Variants in PPARG observed in about 807,000 individuals in gnomAD.
The protein encoded by PPARG is peroxisome proliferator activated receptor gamma, also known as peroxisome proliferator-activated receptor gamma.
In PPARG, 17 loss-of-function variants were observed where a neutral mutation model predicts 39.2. The observed-to-expected ratio is 0.43, with a 90% confidence interval of 0.30 to 0.65. The LOEUF (loss-of-function observed/expected upper bound fraction) is 0.65, where lower values mean the gene tolerates loss of function less well. PPARG is among the 30% of genes least tolerant of loss of function. The pLI is 0.13. For synonymous variants in PPARG, 223 were observed against 215.7 expected, an observed-to-expected ratio of 1.03 and a Z score of -0.30; for missense variants, 406 against 585.9, an observed-to-expected ratio of 0.69 and a Z score of 3.17.
At chr3:12,337,068 A>C (rs925444467) in intron 2 of PPARG, among the ~76,000 whole-genome samples, 2 of 152,176 alleles carry the variant, frequency 1.3e-5, no homozygotes, top group African/African-American at 4.8e-5. Flanking sequence ...GGGGAAATAA[A>C]ACAAATATAC....
intron 1 of PPARG, among the ~76,000 whole-genome samples, chr3:12,307,598 G>A (rs867715880): frequency 1.1e-4 from 17 of 152,178 alleles, no homozygotes; most frequent in African/African-American, 3.6e-4. Flanking sequence ...GAGAGAGATC[G>A]TGAAATTCCT....
In PPARG at chr3:12,311,673, T is replaced by C. The variant is rs547777168; in HGVS notation, c.-82-707T>C. On this transcript the variant is annotated intron_variant, in intron 1 of 7. Coordinates refer to ENST00000651735, the MANE Select transcript of PPARG (RefSeq NM_138711.6). ...CTATTCAAGCCCTGATGATAAGGCT[T>C]TTGGCATTAGATGCTGTTTTGTCTT... 8.5e-5 allele frequency among the ~76,000 whole-genome samples: 13 copies of C among 152,262 alleles called. No homozygotes were observed. The East Asian group carries it at 2.5e-3, about 29-fold the overall frequency.
At chr3:12,357,658 A>G (rs1045844117) in intron 2 of PPARG, among the ~76,000 whole-genome samples, 4 of 152,230 alleles carry the variant, frequency 2.6e-5, no homozygotes, top group Admixed American at 2.0e-4. Flanking sequence ...TGTTAACCGC[A>G]TGAAGGCAGA....
intron 7 of PPARG, among the ~76,000 whole-genome samples, chr3:12,419,669 A>G (rs973319326): frequency 1.3e-5 from 2 of 151,896 alleles, no homozygotes; most frequent in African/African-American, 2.4e-5. Context: ...GGGTTTCACA[A>G]TGTTGGCCAG....
rs186367928 is a variant in PPARG at position 12,342,137 on chromosome 3, A to G, written c.-9+29684A>G. On this transcript the variant is annotated intron_variant, in intron 2 of 7. Coordinates refer to ENST00000651735, the MANE Select transcript of PPARG (RefSeq NM_138711.6). ...ATAGGAAGTACACATCCCCTATGGT[A>G]TATTCAAGCCTAAAATGTTTAACTT... 4.0e-4 allele frequency among the ~76,000 whole-genome samples: 61 copies of G among 152,340 alleles called. No homozygotes were observed. In the East Asian group the frequency reaches 0.012, roughly 29 times the overall value.
chr3:12,318,996 G>A (rs961263944), intron 2 of PPARG, among the ~76,000 whole-genome samples: 3 of 152,206 alleles, frequency 2.0e-5, no homozygotes, highest in East Asian at 1.9e-4. Flanking sequence ...ATTTAGTGAC[G>A]TAAGCATCTT....
rs1356608020 is a variant in PPARG at position 12,351,751 on chromosome 3, C to T, written c.-8-27953C>T. The T allele has an allele frequency of 6.0e-6, 7 of 1,161,740 alleles. No individual in the cohort carries two copies. The East Asian group carries it at 1.6e-4, about 27-fold the overall frequency. The allele number at this position is 1,161,740 out of a possible 1,614,324, so 72.0% of individuals were successfully genotyped here. A position where few individuals can be genotyped will look rare whatever the true frequency, so the allele number is the denominator to read the frequency against. ...GGGTAAAATTGCTCTTGTAGTTTGTCTTCCAGGTTGTGTTTGTTTTAATAC... is the reference window on the plus strand; with the variant it reads ...GGGTAAAATTGCTCTTGTAGTTTGTTTTCCAGGTTGTGTTTGTTTTAATAC... On this transcript the variant is annotated intron_variant, in intron 2 of 7. Transcript: ENST00000651735.
At chr3:12,325,266 C>T (rs574752154) in intron 2 of PPARG, among the ~76,000 whole-genome samples, 3 of 152,160 alleles carry the variant, frequency 2.0e-5, no homozygotes, top group Non-Finnish European at 2.9e-5. Flanking sequence ...ACTAAAGATA[C>T]AAAAATTAGC....
chr3:12,392,841 C>A, intron 5 of PPARG, 89 bp downstream of exon 5: 1 of 1,492,124 alleles, frequency 6.7e-7, no homozygotes, highest in East Asian at 2.3e-5. Flanking sequence ...AAAATGTGTA[C>A]AGTTTTTCCA....
chr3:12,394,181 T>C (rs757518061), intron 5 of PPARG, among the ~76,000 whole-genome samples: 1 of 152,234 alleles, frequency 6.6e-6, no homozygotes, highest in Non-Finnish European at 1.5e-5. Flanking sequence ...GAAGAAATCA[T>C]TGACTTTGAG....
intron 6 of PPARG, among the ~76,000 whole-genome samples, chr3:12,409,257 G>A (rs1014167635): frequency 2.6e-5 from 4 of 152,182 alleles, no homozygotes; most frequent in East Asian, 3.8e-4. Flanking sequence ...CTGGATTCAG[G>A]CAGGGTCTGG....
At chr3:12,386,279 A>G (rs796651312) in intron 4 of PPARG, among the ~76,000 whole-genome samples, 21 of 137,218 alleles carry the variant, frequency 1.5e-4, no homozygotes, top group African/African-American at 5.5e-4. Flanking sequence ...TCCTTGAGTC[A>G]CATAACAAGA....
chr3:12,325,131 A>G (rs572107998), intron 2 of PPARG, among the ~76,000 whole-genome samples: 1 of 152,194 alleles, frequency 6.6e-6, no homozygotes, highest in Admixed American at 6.5e-5. Context: ...TACTAAAAAT[A>G]CAAAACATTG....
chr3:12,357,555 C>G (rs568971161), intron 2 of PPARG, among the ~76,000 whole-genome samples: 1 of 152,270 alleles, frequency 6.6e-6, no homozygotes, highest in African/African-American at 2.4e-5. Flanking sequence ...TCTACAATTT[C>G]CTATTTAAAA....
At chr3:12,379,205 A>G (rs2049530659) in intron 2 of PPARG, among the ~76,000 whole-genome samples, 1 of 152,032 alleles carries the variant, frequency 6.6e-6, no homozygotes, top group Non-Finnish European at 1.5e-5. Flanking sequence ...AGGTTTCACC[A>G]TGTTGGCCAG....
chr3:12,386,205 G>T (rs2049863908), intron 4 of PPARG, among the ~76,000 whole-genome samples: 1 of 152,090 alleles, frequency 6.6e-6, no homozygotes, highest in Non-Finnish European at 1.5e-5. Context: ...GCCTTGTTCT[G>T]TAAATCGATA....
intron 2 of PPARG, among the ~76,000 whole-genome samples, chr3:12,362,627 T>C (rs2048886251): frequency 6.6e-6 from 1 of 151,942 alleles, no homozygotes; most frequent in Non-Finnish European, 1.5e-5. Flanking sequence ...TTAGTTTTAG[T>C]TTTATTTCTT....
intron 5 of PPARG, among the ~76,000 whole-genome samples, chr3:12,400,034 A>G (rs2125236983): frequency 6.6e-6 from 1 of 152,230 alleles, no homozygotes; most frequent in East Asian, 1.9e-4. Context: ...ACTTATTGGC[A>G]ATAGCACATG....
At chr3:12,289,426 T>C (rs2046594832) in intron 1 of PPARG, among the ~76,000 whole-genome samples, 1 of 152,228 alleles carries the variant, frequency 6.6e-6, no homozygotes, top group South Asian at 2.1e-4. Flanking sequence ...ATCATTTGGA[T>C]ATAAAACCAG....
Sources: allele counts gnomAD v4.1 joint callset (sites outside exome capture counted in the v4.1 genomes callset), GRCh38; gene constraint gnomAD v4.1.1; transcripts MANE v1.5; gene names NCBI Gene and HGNC (gene_info 2026-07-23, HGNC 2026-07-21).